Variants in UNC5D observed in about 807,000 individuals in gnomAD.
The protein encoded by UNC5D is unc-5 netrin receptor D, also known as netrin receptor UNC5D.
In UNC5D, 39 loss-of-function variants were observed where a neutral mutation model predicts 105.4. That is an observed-to-expected ratio of 0.37 (90% CI 0.29 to 0.48). UNC5D has a LOEUF of 0.48. Among genes scored for constraint, UNC5D ranks in the 20% least tolerant of loss-of-function variants. The pLI is 0.98. For missense variants in UNC5D, 991 were observed against 1,202.4 expected (o/e 0.82, Z 2.60); for synonymous variants, 452 against 450.4 (o/e 1.00, Z -0.04).
At chr8:35,462,686 G>A (rs1424159835) in intron 1 of UNC5D, among the ~76,000 whole-genome samples, 1 of 152,120 alleles carries the variant, frequency 6.6e-6, no homozygotes, top group Non-Finnish European at 1.5e-5. Context: ...TCACCTGATA[G>A]GAGAAAAAAG....
chr8:35,486,415 G>A (rs913802138), intron 1 of UNC5D, among the ~76,000 whole-genome samples: 4 of 152,076 alleles, frequency 2.6e-5, no homozygotes, highest in African/African-American at 4.8e-5. Flanking sequence ...GCCCAAGGAA[G>A]GGTTCAGTCT....
intron 1 of UNC5D, among the ~76,000 whole-genome samples, chr8:35,246,639 G>A (rs1318494685): frequency 6.6e-6 from 1 of 152,024 alleles, no homozygotes; most frequent in Non-Finnish European, 1.5e-5. Context: ...CAGATCTGAA[G>A]TCTTATCAAA....
At chr8:35,479,144 G>T (rs1318651561) in intron 1 of UNC5D, among the ~76,000 whole-genome samples, 1 of 152,136 alleles carries the variant, frequency 6.6e-6, no homozygotes, top group African/African-American at 2.4e-5. Flanking sequence ...CCATTTGGTG[G>T]TGTGGAAACA....
chr8:35,666,581 T>C (rs1244556482), intron 4 of UNC5D, among the ~76,000 whole-genome samples: 1 of 152,092 alleles, frequency 6.6e-6, no homozygotes, highest in Admixed American at 6.6e-5. Context: ...GGGAGGAGGA[T>C]AAACTGGATA....
rs570602497 is a variant in UNC5D at position 35,436,848 on chromosome 8, G to A, written c.104-112444G>A. 2.0e-3 allele frequency among the ~76,000 whole-genome samples: 301 copies of A among 152,120 alleles called. 2 individuals are homozygous for A. The highest frequency in any genetic ancestry group is 3.4e-3 in the Admixed American group (52 of 15,240). ...TACATACACACATATAAAAAGCCTA[G>A]AGACTTTTTCTCATGAAATATTTAG... On this transcript the variant is annotated intron_variant, in intron 1 of 16. Transcript: ENST00000404895.
chr8:35,277,245 G>C (rs1805837679), intron 1 of UNC5D, among the ~76,000 whole-genome samples: 1 of 152,178 alleles, frequency 6.6e-6, no homozygotes, highest in African/African-American at 2.4e-5. Flanking sequence ...GAACAACTGT[G>C]CTTGGGACAG....
intron 1 of UNC5D, among the ~76,000 whole-genome samples, chr8:35,444,383 C>A (rs1269230680): frequency 6.6e-6 from 1 of 152,050 alleles, no homozygotes; most frequent in East Asian, 1.9e-4. Context: ...AAGTAATCAG[C>A]CTATTGCAGA....
At chr8:35,533,725 C>T (rs193126625) in intron 1 of UNC5D, among the ~76,000 whole-genome samples, 1,906 of 152,332 alleles carry the variant, frequency 0.013, 35 homozygotes, top group African/African-American at 0.043. Context: ...ACCCTCCGAG[C>T]CAGGTGTGGG....
At chr8:35,762,412 G>C (rs564814770) in intron 14 of UNC5D, among the ~76,000 whole-genome samples, 1 of 152,274 alleles carries the variant, frequency 6.6e-6, no homozygotes, top group Non-Finnish European at 1.5e-5. Flanking sequence ...TGGGTGAGAA[G>C]TAGGAAAGGC....
At chr8:35,297,958 C>G (rs1272025868) in intron 1 of UNC5D, among the ~76,000 whole-genome samples, 3 of 152,124 alleles carry the variant, frequency 2.0e-5, no homozygotes, top group African/African-American at 7.2e-5. Context: ...GGCCTTTAGT[C>G]AGTAGCATTC....
chr8:35,444,255 C>T (rs1807629387), intron 1 of UNC5D, among the ~76,000 whole-genome samples: 1 of 152,020 alleles, frequency 6.6e-6, no homozygotes, highest in Non-Finnish European at 1.5e-5. Flanking sequence ...AAACATTCTG[C>T]TAGCTCTTCT....
intron 1 of UNC5D, among the ~76,000 whole-genome samples, chr8:35,538,058 T>G (rs555299361): frequency 5.3e-5 from 8 of 152,182 alleles, no homozygotes; most frequent in African/African-American, 1.9e-4. Flanking sequence ...CATGAATGGT[T>G]GCTTAGTTGT....
chr8:35,762,147 A>C (rs1242375084), intron 14 of UNC5D, among the ~76,000 whole-genome samples: 1 of 152,048 alleles, frequency 6.6e-6, no homozygotes. Context: ...GGAAACTTCC[A>C]TTTTCTTCTG....
At chr8:35,398,449 G>C (rs968728670) in intron 1 of UNC5D, among the ~76,000 whole-genome samples, 1 of 151,942 alleles carries the variant, frequency 6.6e-6, no homozygotes, top group Admixed American at 6.6e-5. Context: ...ATTATAGCCA[G>C]CACCCTACAG....
chr8:35,332,758 C>T (rs1477972619), intron 1 of UNC5D, among the ~76,000 whole-genome samples: 1 of 152,102 alleles, frequency 6.6e-6, no homozygotes, highest in African/African-American at 2.4e-5. Context: ...GTGCCGGTCC[C>T]CACTCTTACA....
At chr8:35,556,003 T>C (rs1360348110) in intron 2 of UNC5D, among the ~76,000 whole-genome samples, 1 of 151,924 alleles carries the variant, frequency 6.6e-6, no homozygotes, top group African/African-American at 2.4e-5. Context: ...GAAATCAGGC[T>C]CTCCATTTAC....
At chr8:35,706,237 C>G (rs1392916696) in intron 8 of UNC5D, among the ~76,000 whole-genome samples, 1 of 152,178 alleles carries the variant, frequency 6.6e-6, no homozygotes, top group Admixed American at 6.5e-5. Flanking sequence ...ATTCTTATTT[C>G]TGAAGAGATT....
chr8:35,763,282 TTTA>T (rs1801624602), intron 14 of UNC5D, among the ~76,000 whole-genome samples: 1 of 152,118 alleles, frequency 6.6e-6, no homozygotes, highest in South Asian at 2.1e-4. Flanking sequence ...GGGTTTTTGT[TTTA>T]TTGTTTTTTG....
intron 1 of UNC5D, among the ~76,000 whole-genome samples, chr8:35,392,664 A>G (rs926205141): frequency 1.3e-5 from 2 of 152,206 alleles, no homozygotes; most frequent in South Asian, 4.1e-4. Context: ...ACAAAGTCAC[A>G]TCGGCAAAGT....
Sources: gnomAD v4.1 joint callset for allele counts (sites outside exome capture counted in the v4.1 genomes callset) on GRCh38, gnomAD v4.1.1 for gene constraint, MANE v1.5 for transcripts, NCBI Gene and HGNC (gene_info 2026-07-23, HGNC 2026-07-21) for gene names.